Variants in SLC1A2 observed in about 807,000 individuals in gnomAD.
SLC1A2 encodes the protein excitatory amino acid transporter 2.
A neutral mutation model predicts 48.8 loss-of-function variants in SLC1A2; 15 were observed. The ratio of observed to expected loss-of-function variants is 0.31; its 90% CI spans 0.21 to 0.47. The LOEUF (loss-of-function observed/expected upper bound fraction) is 0.47. Among genes scored for constraint, SLC1A2 ranks in the 20% least tolerant of loss-of-function variants. The pLI is 0.99. For synonymous variants in SLC1A2, 279 were observed against 272.6 expected (o/e 1.02, Z -0.23); for missense variants, 502 against 730.5 (o/e 0.69, Z 3.61).
In SLC1A2 at chr11:35,376,240, T is replaced by C. The variant is rs571934920; in HGVS notation, c.17+42710A>G. 3.2e-4 allele frequency among the ~76,000 whole-genome samples: 48 copies of C among 148,958 alleles called. 2 individuals are homozygous for C. The South Asian group carries it at 8.0e-3, about 25-fold the overall frequency. ...AAAGTGTCAAGATCATGAAAAGACA[T>C]GGAAAGACCGAGGAACTATCTCAGA... is the stretch of plus-strand genomic sequence containing the variant. On this transcript the variant is annotated intron_variant, in intron 1 of 10. Coordinates refer to ENST00000278379, the MANE Select transcript of SLC1A2 (RefSeq NM_004171.4).
chr11:35,355,496 G>GA (rs1472738727), intron 1 of SLC1A2, among the ~76,000 whole-genome samples: 1 of 152,210 alleles, frequency 6.6e-6, no homozygotes, highest in Non-Finnish European at 1.5e-5. Flanking sequence ...TGTGCCTGCT[G>GA]ACTGCCTTGT....
intron 1 of SLC1A2, among the ~76,000 whole-genome samples, chr11:35,332,859 G>A (rs1852475668): frequency 6.6e-6 from 1 of 152,156 alleles, no homozygotes; most frequent in Non-Finnish European, 1.5e-5. Flanking sequence ...TAGAGAACAT[G>A]CAATACAATT....
chr11:35,334,139 GTC>G (rs1467186140), intron 1 of SLC1A2, among the ~76,000 whole-genome samples: 2 of 152,154 alleles, frequency 1.3e-5, no homozygotes, highest in African/African-American at 2.4e-5. Flanking sequence ...GGATTTTCCA[GTC>G]TGCCACAGTC....
intron 1 of SLC1A2, among the ~76,000 whole-genome samples, chr11:35,396,878 C>A (rs1177610923): frequency 6.6e-6 from 1 of 151,664 alleles, no homozygotes; most frequent in East Asian, 1.9e-4. Flanking sequence ...TTCTTATACA[C>A]CAACAACACA....
At chr11:35,301,089 A>G (rs2134796065) in intron 6 of SLC1A2, among the ~76,000 whole-genome samples, 1 of 152,292 alleles carries the variant, frequency 6.6e-6, no homozygotes, top group African/African-American at 2.4e-5. Context: ...CTGTGGATAC[A>G]ATGAGAAGTT....
At chr11:35,395,319 C>T (rs1028327232) in intron 1 of SLC1A2, among the ~76,000 whole-genome samples, 7 of 151,850 alleles carry the variant, frequency 4.6e-5, no homozygotes, top group Non-Finnish European at 8.8e-5. Context: ...TCTCTCTCTC[C>T]CTCTCTTTTT....
intron 1 of SLC1A2, among the ~76,000 whole-genome samples, chr11:35,324,544 C>T (rs190363599): frequency 1.3e-5 from 2 of 152,164 alleles, no homozygotes; most frequent in Admixed American, 6.5e-5. Context: ...GCCTGAAATC[C>T]CTCATATGAT....
rs541783486 is a variant in SLC1A2 at position 35,418,151 on chromosome 11, A to T, written c.17+799T>A. 5.9e-5 allele frequency among the ~76,000 whole-genome samples: 9 copies of T among 152,308 alleles called. No homozygotes were observed. In the East Asian group the frequency reaches 1.7e-3, roughly 29 times the overall value. ...TCCTTTGATGTGTGAGTATTCAAAG[A>T]ATCCTTTTGCCCCCTGCAGCCCCTT... is the stretch of plus-strand genomic sequence containing the variant. On this transcript the variant is annotated intron_variant, in intron 1 of 10. Coordinates refer to ENST00000278379, the MANE Select transcript of SLC1A2 (RefSeq NM_004171.4).
rs1276397868 is a variant in SLC1A2, at chr11:35,254,018, T to A, written c.*6876A>T. The A allele has an allele frequency of 6.6e-6, 1 of 152,400 alleles. No individual in the cohort carries two copies. Among genetic ancestry groups the A allele is most frequent in the Non-Finnish European group, 1.5e-5 (1 of 68,028 alleles). 9.4% of individuals were successfully genotyped at this position (152,400 alleles called of 1,614,324 possible). On this transcript the variant is annotated 3_prime_UTR_variant, in exon 11 of 11. Coordinates refer to ENST00000278379, the MANE Select transcript of SLC1A2 (RefSeq NM_004171.4). Reference sequence around the variant, plus strand: ...AAGCTAGGGGATTTGTTTAAAAAAATGTAAGACTGGGCTGGAGGAATTTGT... The same window carrying A: ...AAGCTAGGGGATTTGTTTAAAAAAAAGTAAGACTGGGCTGGAGGAATTTGT...
chr11:35,402,436 A>G (rs1184424149), intron 1 of SLC1A2, among the ~76,000 whole-genome samples: 1 of 152,218 alleles, frequency 6.6e-6, no homozygotes, highest in Non-Finnish European at 1.5e-5. Flanking sequence ...CCAGAGAGGC[A>G]TGAAAGCTCC....
intron 9 of SLC1A2, 103 bp downstream of exon 9, chr11:35,280,764 T>C (rs940034209): frequency 2.8e-5 from 19 of 674,988 alleles, no homozygotes; most frequent in Non-Finnish European, 4.5e-5. Flanking sequence ...GTGAGGGAGT[T>C]GCCATGGGGA....
intron 1 of SLC1A2, among the ~76,000 whole-genome samples, chr11:35,382,548 C>T (rs1263553897): frequency 6.6e-6 from 1 of 152,246 alleles, no homozygotes; most frequent in Admixed American, 6.5e-5. Flanking sequence ...ATAATCCCAG[C>T]ACTTTGGGAG....
upstream of SLC1A2, chr11:35,420,181 G>A (rs1855747145): frequency 5.3e-6 from 1 of 190,432 alleles, no homozygotes; most frequent in Non-Finnish European, 1.1e-5. Context: ...CCTCGTGGGT[G>A]CCGGCTGAGA....
intron 1 of SLC1A2, among the ~76,000 whole-genome samples, chr11:35,397,245 A>G (rs1182394921): frequency 6.7e-6 from 1 of 149,908 alleles, no homozygotes; most frequent in Non-Finnish European, 1.5e-5. Context: ...AAAAGAACAA[A>G]GCCGGAGGCA....
chr11:35,350,690 C>A (rs1680931615), intron 1 of SLC1A2, among the ~76,000 whole-genome samples: 1 of 152,160 alleles, frequency 6.6e-6, no homozygotes, highest in Non-Finnish European at 1.5e-5. Flanking sequence ...AAAAGCTTGG[C>A]TGATGCAACA....
At chr11:35,281,188 T>C (rs1349673817) in intron 8 of SLC1A2, among the ~76,000 whole-genome samples, 187 bp from the exon 9 acceptor site, 1 of 152,162 alleles carries the variant, frequency 6.6e-6, no homozygotes, top group East Asian at 1.9e-4. Flanking sequence ...TAAGGCCTAT[T>C]TGGGTACTGC....
intron 1 of SLC1A2, among the ~76,000 whole-genome samples, chr11:35,335,629 G>A (rs7939959): frequency 0.026 from 3,893 of 152,226 alleles, 156 homozygotes; most frequent in African/African-American, 0.089. Context: ...AGTCTATCAT[G>A]AGTTACTACC....
In SLC1A2 at chr11:35,419,220, T is replaced by C; in HGVS notation, c.-254A>G. On this transcript the variant is annotated 5_prime_UTR_variant, in exon 1 of 11. Coordinates refer to ENST00000278379, the MANE Select transcript of SLC1A2 (RefSeq NM_004171.4). This position sits in a 1 kb window ranked among gnomAD's most constrained non-coding sequence, Gnocchi z 5.4. ...CCCCTCCGCCCGCGGGGATGGCGCTTGGCGGGGAGCTCCGGGGGCTCCGAG... is the reference window on the plus strand; with the variant it reads ...CCCCTCCGCCCGCGGGGATGGCGCTCGGCGGGGAGCTCCGGGGGCTCCGAG... 1 of 415,788 alleles carries C rather than the reference T, an allele frequency of 2.4e-6. No individual in the cohort carries two copies. The highest frequency in any genetic ancestry group is 4.2e-6 in the Non-Finnish European group (1 of 236,640). The allele number at this position is 415,788 out of a possible 1,614,324, so 25.8% of individuals were successfully genotyped here. A position where few individuals can be genotyped will look rare whatever the true frequency, so the allele number is the denominator to read the frequency against.
chr11:35,401,548 G>C lies in SLC1A2; in HGVS notation c.17+17402C>G, dbSNP rs150708866. Among the ~76,000 whole-genome samples, 814 of 152,232 alleles carry C rather than the reference G, an allele frequency of 5.3e-3. 2 individuals carry two copies. Among genetic ancestry groups the C allele is most frequent in the Non-Finnish European group, 8.3e-3 (567 of 68,014 alleles). ...CATCCTCATCATGGCCTAAACCAGC[G>C]TTTCAGGTTTGCTTTAGAATGCCCT... On this transcript the variant is annotated intron_variant, in intron 1 of 10. Transcript: ENST00000278379.
Sources: gnomAD v4.1 joint callset for allele counts (sites outside exome capture counted in the v4.1 genomes callset) on GRCh38, gnomAD v4.1.1 for gene constraint, Gnocchi (gnomAD v3.1) non-coding constraint, MANE v1.5 for transcripts, NCBI Gene and HGNC (gene_info 2026-07-23, HGNC 2026-07-21) for gene names.